The following PNOC variants were observed in gnomAD, a reference collection of about 807,000 sequenced individuals.
The protein encoded by PNOC is prepronociceptin, also known as nociceptin.
In PNOC, 10 loss-of-function variants were observed where a neutral mutation model predicts 15.6. The observed-to-expected ratio is 0.64, with a 90% CI of 0.40 to 1.09. The LOEUF (loss-of-function observed/expected upper bound fraction) is 1.09, where lower values mean the gene tolerates loss of function less well. Ranked by LOEUF, PNOC falls within the 50% of genes least tolerant of loss-of-function variation. The pLI, the probability that PNOC is intolerant of heterozygous loss-of-function variation, is 0.01. For synonymous variants in PNOC, 98 were observed against 88.5 expected (o/e 1.11, Z -0.60); for missense variants, 220 against 223.9 (o/e 0.98, Z 0.11).
intron 1 of PNOC, among the ~76,000 whole-genome samples, chr8:28,321,403 C>T (rs1220868455): frequency 6.6e-6 from 1 of 151,948 alleles, no homozygotes; most frequent in African/African-American, 2.4e-5. Context: ...GGCCCAGAAC[C>T]AGGAAGATGG....
At position 28,320,065 on chromosome 8, in the gene PNOC, TTTG is replaced by T. The variant is rs1283629496; in HGVS notation, c.-24+2752_-24+2754del. Among the ~76,000 whole-genome samples the T allele has an allele frequency of 2.1e-3, 304 of 142,920 alleles. 4 individuals are homozygous for T. Among genetic ancestry groups the T allele is most frequent in the African/African-American group, 8.2e-3 (289 of 35,054 alleles). 93.8% of individuals were successfully genotyped at this position (142,920 alleles called of 152,430 possible). On this transcript the variant is annotated intron_variant, in intron 1 of 3. Coordinates refer to ENST00000301908, the MANE Select transcript of PNOC (RefSeq NM_006228.5). Reference sequence around the variant, plus strand: ...TTTTCCACGATCCTGTGGGGTTTTTTTTGTTTGTTTCTTTCTTTCTTTCTTTCT... The same window carrying T: ...TTTTCCACGATCCTGTGGGGTTTTTTTTTGTTTCTTTCTTTCTTTCTTTCT...
intron 2 of PNOC, among the ~76,000 whole-genome samples, chr8:28,333,878 C>G (rs1191432873): frequency 6.6e-6 from 1 of 152,202 alleles, no homozygotes; most frequent in Non-Finnish European, 1.5e-5. Context: ...CTCTACCCTT[C>G]TATGACTTTC....
At chr8:28,329,977 C>T (rs1160143099) in intron 2 of PNOC, among the ~76,000 whole-genome samples, 1 of 151,988 alleles carries the variant, frequency 6.6e-6, no homozygotes, top group Non-Finnish European at 1.5e-5. Context: ...GACAGAGTCT[C>T]ACTCTGTCAC....
At chr8:28,322,110 C>T (rs1039995648) in intron 1 of PNOC, among the ~76,000 whole-genome samples, 1 of 151,980 alleles carries the variant, frequency 6.6e-6, no homozygotes, top group Non-Finnish European at 1.5e-5. Context: ...TCATCAGCCC[C>T]GGCACAGTGG....
intron 2 of PNOC, among the ~76,000 whole-genome samples, chr8:28,335,590 C>G (rs1459001174): frequency 6.6e-6 from 1 of 152,210 alleles, no homozygotes; most frequent in East Asian, 1.9e-4. Flanking sequence ...TGCAGTGGTA[C>G]AGTCTCGGTT....
In PNOC at chr8:28,339,152, T is replaced by A; in HGVS notation, c.239T>A (p.Val80Glu). 1 of 1,613,430 alleles carries A rather than the reference T, an allele frequency of 6.2e-7. No individual in the cohort carries two copies. The highest frequency in any genetic ancestry group is 8.5e-7 in the Non-Finnish European group (1 of 1,179,452). Residue 80 changes from valine (V) to glutamate (E), a missense_variant, in exon 3 of 4, where the codon GTG becomes GAG. Transcript: ENST00000301908. ...CTCAGCCCTGCCGCCCCAGAGCATGTGGCGGCTGCTCTCTACCAGCCGAGA... is the reference window on the plus strand; with the variant it reads ...CTCAGCCCTGCCGCCCCAGAGCATGAGGCGGCTGCTCTCTACCAGCCGAGA... Reference protein sequence around the residue: ...WQLSPAAPEHVAAALYQPRAS... With the variant: ...WQLSPAAPEHEAAALYQPRAS...
intron 1 of PNOC, among the ~76,000 whole-genome samples, chr8:28,317,663 G>A (rs1801080965): frequency 6.6e-6 from 1 of 152,132 alleles, no homozygotes; most frequent in South Asian, 2.1e-4. Context: ...GCCAGAGGAG[G>A]GGCAGGCACT....
At chr8:28,338,998 G>T (rs761862786) in intron 2 of PNOC, 42 bp from the exon 3 acceptor site, 1 of 1,506,286 alleles carries the variant, frequency 6.6e-7, no homozygotes. Context: ...ATTAACAGAG[G>T]TCCTTGTTCC....
Position 28,339,321 on chromosome 8 carries a change from C to T in PNOC, c.408C>T (p.Ala136=). The change falls in exon 3 of 4, where the codon GCC becomes GCT. Residue 136 remains alanine (A), a synonymous_variant. Transcript: ENST00000301908. The part of the protein sequence containing the change: ...LQKRFGGFTG[A]RKSARKLANQ... ...AGAGATTTGGGGGCTTCACCGGGGC[C>T]CGGAAGTCGGCCAGGAAGTTGGCCA... is the stretch of plus-strand genomic sequence containing the variant. The T allele has an allele frequency of 6.2e-7, 1 of 1,611,942 alleles. No individual in the cohort carries two copies. The highest frequency in any genetic ancestry group is 1.3e-5 in the African/African-American group (1 of 75,024).
intron 1 of PNOC, among the ~76,000 whole-genome samples, chr8:28,328,766 C>T (rs1166781918): frequency 6.6e-6 from 1 of 152,098 alleles, no homozygotes; most frequent in East Asian, 1.9e-4. Flanking sequence ...TGCTGGTAAA[C>T]TGCAAAGCGA....
At chr8:28,339,702 G>C in intron 3 of PNOC, 1 of 384,844 alleles carries the variant, frequency 2.6e-6, no homozygotes, top group Non-Finnish European at 4.6e-6. Context: ...GCTAGAGACT[G>C]GTTACCATGG....
intron 1 of PNOC, among the ~76,000 whole-genome samples, chr8:28,322,751 G>A (rs1453403027): frequency 6.6e-6 from 1 of 152,222 alleles, no homozygotes; most frequent in Non-Finnish European, 1.5e-5. Flanking sequence ...CAGAAACAGT[G>A]TGTAAAGTTG....
At position 28,338,935 on chromosome 8, in the gene PNOC, C is replaced by A. The variant is rs539893751; in HGVS notation, c.127-105C>A. The A allele has an allele frequency of 4.6e-5, 54 of 1,169,096 alleles. 1 individual carries two copies. The South Asian group carries it at 8.4e-4, about 18-fold the overall frequency. 72.4% of individuals were successfully genotyped at this position (1,169,096 alleles called of 1,614,324 possible). On this transcript the variant is annotated intron_variant, in intron 2 of 3. Coordinates refer to ENST00000301908, the MANE Select transcript of PNOC (RefSeq NM_006228.5). The stretch of plus-strand genomic sequence containing the variant: ...TCCACGTTACTTGATAACTTAGATG[C>A]TTCAGAAGCACTTGCACTGGTGCAG...
chr8:28,334,557 C>T (rs1258113511), intron 2 of PNOC, among the ~76,000 whole-genome samples: 1 of 152,104 alleles, frequency 6.6e-6, no homozygotes, highest in African/African-American at 2.4e-5. Context: ...TGCAGTACAG[C>T]AATCTCAGCT....
intron 2 of PNOC, chr8:28,338,579 C>A (rs1439573299): frequency 1.4e-5 from 14 of 987,066 alleles, no homozygotes; most frequent in Admixed American, 6.1e-5. Context: ...AATAAACCTG[C>A]AGATTTGACT....
At chr8:28,320,092 CTTT>C (rs34876964) in intron 1 of PNOC, among the ~76,000 whole-genome samples, 25 of 29,718 alleles carry the variant, frequency 8.4e-4, no homozygotes, top group African/African-American at 2.4e-3. Context: ...TTCTTTCTTT[CTTT>C]TTTTTTTTTT....
intron 1 of PNOC, among the ~76,000 whole-genome samples, chr8:28,323,842 A>G (rs1585826964): frequency 4.6e-5 from 7 of 152,380 alleles, no homozygotes; most frequent in Admixed American, 3.9e-4. Context: ...TGCTGTCTCT[A>G]TAACGATATT....
intron 3 of PNOC, among the ~76,000 whole-genome samples, chr8:28,340,652 G>A (rs1005498993): frequency 1.3e-5 from 2 of 152,184 alleles, no homozygotes; most frequent in African/African-American, 4.8e-5. Flanking sequence ...CATAAACAAA[G>A]TTTATTTGGC....
chr8:28,342,119 T>C (rs894406626), intron 3 of PNOC, among the ~76,000 whole-genome samples: 1 of 152,132 alleles, frequency 6.6e-6, no homozygotes, highest in East Asian at 1.9e-4. Context: ...CCGAGGCTGG[T>C]GGATCACCTG....
Sources: gnomAD v4.1 joint callset for allele counts (sites outside exome capture counted in the v4.1 genomes callset) on GRCh38, gnomAD v4.1.1 for gene constraint, MANE v1.5 for transcripts, NCBI Gene and HGNC (gene_info 2026-07-23, HGNC 2026-07-21) for gene names.